The following KIF2A variants were observed in gnomAD, a reference collection of about 807,000 sequenced individuals.
KIF2A encodes kinesin-like protein KIF2A.
Under a neutral mutation model 100.2 loss-of-function variants are expected in KIF2A, and 22 were observed. That is an observed-to-expected ratio of 0.22 (90% CI 0.16 to 0.31). The LOEUF (loss-of-function observed/expected upper bound fraction) is 0.31, where lower values mean the gene tolerates loss of function less well. KIF2A is among the 10% of genes least tolerant of loss of function. KIF2A has a pLI of 1.00. For missense variants in KIF2A, 495 were observed against 898.7 expected, an observed-to-expected ratio of 0.55 and a Z score of 5.74; for synonymous variants, 268 against 285.9, an observed-to-expected ratio of 0.94 and a Z score of 0.63.
At chr5:62,336,553 C>T (rs1052822059) in intron 1 of KIF2A, among the ~76,000 whole-genome samples, 4 of 151,886 alleles carry the variant, frequency 2.6e-5, no homozygotes, top group African/African-American at 9.7e-5. Flanking sequence ...ACTCATGAGA[C>T]AAAGCATCAT....
At chr5:62,370,119 A>G (rs1473667220) in intron 16 of KIF2A, among the ~76,000 whole-genome samples, 1 of 152,184 alleles carries the variant, frequency 6.6e-6, no homozygotes, top group Non-Finnish European at 1.5e-5. Context: ...AGTTCTGTCT[A>G]AAAAATTCGG....
intron 1 of KIF2A, among the ~76,000 whole-genome samples, chr5:62,311,644 G>C (rs1183379051): frequency 6.6e-6 from 1 of 152,104 alleles, no homozygotes; most frequent in Non-Finnish European, 1.5e-5. Flanking sequence ...CTGGAGAATA[G>C]CATGTGTAAA....
chr5:62,364,629 T>A (rs1366143114), intron 14 of KIF2A, among the ~76,000 whole-genome samples: 1 of 152,238 alleles, frequency 6.6e-6, no homozygotes, highest in East Asian at 1.9e-4. Context: ...TGTGTTTTTT[T>A]CTTTTGGAGT....
At chr5:62,350,593 C>T (rs1481015403) in intron 4 of KIF2A, among the ~76,000 whole-genome samples, 1 of 152,028 alleles carries the variant, frequency 6.6e-6, no homozygotes, top group Non-Finnish European at 1.5e-5. Flanking sequence ...TCTTGATCTC[C>T]TAATACAATA....
At chr5:62,311,508 A>G (rs908451192) in intron 1 of KIF2A, among the ~76,000 whole-genome samples, 3 of 152,350 alleles carry the variant, frequency 2.0e-5, no homozygotes, top group African/African-American at 7.2e-5. Context: ...AGGACCCATC[A>G]GGAATTTTGG....
At chr5:62,315,188 T>TA (rs1745752128) in intron 1 of KIF2A, among the ~76,000 whole-genome samples, 1 of 141,054 alleles carries the variant, frequency 7.1e-6, no homozygotes, top group African/African-American at 2.7e-5. Flanking sequence ...GCTCAGCCTG[T>TA]GGTGGTTTAT....
At chr5:62,339,777 A>T (rs78760696) in intron 1 of KIF2A, among the ~76,000 whole-genome samples, 2 of 151,114 alleles carry the variant, frequency 1.3e-5, no homozygotes, top group Non-Finnish European at 3.0e-5. Flanking sequence ...AAAAAAAAAA[A>T]CACACAGGTC....
At chr5:62,353,431 C>A in intron 6 of KIF2A, 56 bp downstream of exon 6, 1 of 819,852 alleles carries the variant, frequency 1.2e-6, no homozygotes, top group East Asian at 3.0e-5. Context: ...TAGATTATAT[C>A]AGTGAAGGTG....
At chr5:62,347,674 G>A (rs1238114515) in intron 2 of KIF2A, among the ~76,000 whole-genome samples, 1 of 151,780 alleles carries the variant, frequency 6.6e-6, no homozygotes, top group South Asian at 2.1e-4. Context: ...CACCCAGGCT[G>A]GAGTGCAGTG....
intron 1 of KIF2A, among the ~76,000 whole-genome samples, chr5:62,341,306 ATT>A (rs200726866): frequency 2.1e-5 from 3 of 145,368 alleles, no homozygotes; most frequent in African/African-American, 2.5e-5. Context: ...TGTCTCCTTG[ATT>A]TTTTTTTTTT....
rs1262637222 is a variant in KIF2A, at chr5:62,388,875, C to A, written c.*3306C>A. ...TAAAATTCAGAATCATAAATGGTGA[C>A]AACAGTAGTAGTATTGAACCAAAAA... On this transcript the variant is annotated 3_prime_UTR_variant, in exon 21 of 21. Coordinates refer to ENST00000407818, the MANE Select transcript of KIF2A (RefSeq NM_001098511.3). 2.6e-6 allele frequency: 2 copies of A among 757,574 alleles called. No homozygotes were observed. The highest frequency in any genetic ancestry group is 1.8e-5 in the African/African-American group (1 of 55,970). 46.9% of individuals were successfully genotyped at this position (757,574 alleles called of 1,614,324 possible). A position where few individuals can be genotyped will look rare whatever the true frequency, so the allele number is the denominator to read the frequency against.
At chr5:62,334,799 A>G (rs1402090020) in intron 1 of KIF2A, among the ~76,000 whole-genome samples, 12 of 151,864 alleles carry the variant, frequency 7.9e-5, no homozygotes. Flanking sequence ...ACACACCCCA[A>G]AGTCTCTACA....
At chr5:62,321,056 A>G (rs1354907804) in intron 1 of KIF2A, among the ~76,000 whole-genome samples, 1 of 152,228 alleles carries the variant, frequency 6.6e-6, no homozygotes, top group African/African-American at 2.4e-5. Flanking sequence ...AGTGTATAGC[A>G]TCTGTCACTT....
Position 62,361,536 on chromosome 5 carries a change from G to A in KIF2A, c.1027+7G>A. 6.6e-7 allele frequency: 1 copy of A among 1,514,256 alleles called. No homozygotes were observed. Among genetic ancestry groups the A allele is most frequent in the Non-Finnish European group, 9.1e-7 (1 of 1,095,420 alleles). 93.8% of individuals were successfully genotyped at this position (1,514,256 alleles called of 1,614,324 possible). ...GGAATTTATGCATTAGCAGGTAACT[G>A]TCCTTTTTCCATAAAATTTGGAATA... On this transcript the variant is annotated splice_region_variant and intron_variant, in intron 11 of 20. Transcript: ENST00000407818.
At chr5:62,325,529 G>A (rs2111825868) in intron 1 of KIF2A, among the ~76,000 whole-genome samples, 1 of 152,190 alleles carries the variant, frequency 6.6e-6, no homozygotes, top group South Asian at 2.1e-4. Context: ...TGGCCAACAG[G>A]TATATGAAAA....
intron 1 of KIF2A, among the ~76,000 whole-genome samples, chr5:62,322,123 G>A (rs1746123538): frequency 6.6e-6 from 1 of 151,740 alleles, no homozygotes; most frequent in Middle Eastern, 3.4e-3. Context: ...GGAGAGACAA[G>A]GTCTCACTAT....
At chr5:62,350,161 C>G (rs1435277585) in intron 4 of KIF2A, 41 bp downstream of exon 4, 1 of 1,147,652 alleles carries the variant, frequency 8.7e-7, no homozygotes, top group East Asian at 2.6e-5. Flanking sequence ...CTATTGACTT[C>G]TTAGTATGTT....
At chr5:62,372,306 T>C (rs976141053) in intron 16 of KIF2A, 132 bp from the exon 17 acceptor site, 6 of 637,568 alleles carry the variant, frequency 9.4e-6, no homozygotes, top group Non-Finnish European at 1.7e-5. Flanking sequence ...AAAATAATAT[T>C]CTAAATACAT....
chr5:62,368,211 T>C (rs1313649291), intron 16 of KIF2A, among the ~76,000 whole-genome samples: 4 of 152,060 alleles, frequency 2.6e-5, no homozygotes, highest in African/African-American at 9.7e-5. Context: ...CTTATTCATC[T>C]GTCTCTACCC....
Sources: allele counts gnomAD v4.1 joint callset (sites outside exome capture counted in the v4.1 genomes callset), GRCh38; gene constraint gnomAD v4.1.1; transcripts MANE v1.5; gene names NCBI Gene and HGNC (gene_info 2026-07-23, HGNC 2026-07-21).